CHL1: variants seen among roughly 807,000 people sequenced by gnomAD.
The protein encoded by CHL1 is cell adhesion molecule L1 like, also known as neural cell adhesion molecule L1-like protein.
A neutral mutation model predicts 141.9 loss-of-function variants in CHL1; 96 were observed. The observed-to-expected ratio is 0.68, with a 90% CI of 0.57 to 0.80. CHL1 has a LOEUF of 0.80. Ranked by LOEUF, CHL1 falls within the 30% of genes least tolerant of loss-of-function variation. The pLI is 0.00. For missense variants in CHL1, 1,820 were observed against 1,457.2 expected (o/e 1.25, Z -4.05); for synonymous variants, 613 against 502.2 (o/e 1.22, Z -2.95).
chr3:370,228 G>A (rs887295155), intron 15 of CHL1, among the ~76,000 whole-genome samples: 1 of 152,106 alleles, frequency 6.6e-6, no homozygotes, highest in Non-Finnish European at 1.5e-5. Context: ...ATCTGGTCCT[G>A]GGCTTTATTG....
chr3:301,732 T>G (rs1698756250), intron 2 of CHL1, among the ~76,000 whole-genome samples: 1 of 152,184 alleles, frequency 6.6e-6, no homozygotes, highest in African/African-American at 2.4e-5. Flanking sequence ...TTGTAGTCTT[T>G]TTCCGGAAAG....
At chr3:277,369 C>A (rs1050931476) in intron 2 of CHL1, among the ~76,000 whole-genome samples, 1 of 152,152 alleles carries the variant, frequency 6.6e-6, no homozygotes, top group Non-Finnish European at 1.5e-5. Context: ...GAATGAGTAA[C>A]TAGTGCACAG....
intron 2 of CHL1, among the ~76,000 whole-genome samples, chr3:281,295 A>C (rs1272366987): frequency 6.6e-6 from 1 of 152,120 alleles, no homozygotes; most frequent in Non-Finnish European, 1.5e-5. Context: ...AAATTTGCCC[A>C]CAAACTTGAG....
chr3:237,945 A>G (rs574117183), intron 1 of CHL1, among the ~76,000 whole-genome samples: 4 of 152,202 alleles, frequency 2.6e-5, no homozygotes. Flanking sequence ...ACATCTTCAC[A>G]TTGCCTATAT....
rs1019939757 is a variant in CHL1, at chr3:340,881, G to T, written c.473G>T (p.Gly158Val). 1 of 1,612,774 alleles carries T rather than the reference G, an allele frequency of 6.2e-7. No homozygotes were observed. The highest frequency in any genetic ancestry group is 8.5e-7 in the Non-Finnish European group (1 of 1,179,104). ...PIVLPCNPPK[G>V]LPPLHIYWMN... Reference sequence around the variant, plus strand: ...GTCCTCCCATGCAATCCTCCCAAAGGCCTCCCACCTTTACACATTTATTGG... The same window carrying T: ...GTCCTCCCATGCAATCCTCCCAAAGTCCTCCCACCTTTACACATTTATTGG... Residue 158 changes from glycine to valine, a missense_variant, in exon 6 of 28, where the codon GGC becomes GTC. Transcript: ENST00000256509.
chr3:229,245 GT>G (rs1190046440), intron 1 of CHL1, among the ~76,000 whole-genome samples: 1 of 151,988 alleles, frequency 6.6e-6, no homozygotes, highest in African/African-American at 2.4e-5. Context: ...CCTTCATAAT[GT>G]TTTTTTCCTA....
chr3:342,230 C>G lies in CHL1; in HGVS notation c.679+148C>G. On this transcript the variant is annotated intron_variant, in intron 7 of 27. Coordinates refer to ENST00000256509, the MANE Select transcript of CHL1 (RefSeq NM_006614.4). ...GGAGACTTCTTCCAGATGAAATAGACATCTGCAGCTGCAGATTCACGGTAG... is the reference window on the plus strand; with the variant it reads ...GGAGACTTCTTCCAGATGAAATAGAGATCTGCAGCTGCAGATTCACGGTAG... The G allele has an allele frequency of 5.1e-6, 3 of 590,868 alleles. No individual in the cohort carries two copies. The South Asian group carries it at 8.8e-5, about 17-fold the overall frequency. The allele number at this position is 590,868 out of a possible 1,614,324, so 36.6% of individuals were successfully genotyped here.
intron 10 of CHL1, among the ~76,000 whole-genome samples, chr3:351,779 C>T (rs1263017226): frequency 6.6e-6 from 1 of 152,038 alleles, no homozygotes; most frequent in Admixed American, 6.6e-5. Flanking sequence ...ATTTAGGTTG[C>T]AACATCCTAA....
intron 22 of CHL1, 135 bp from the exon 23 acceptor site, chr3:391,540 A>C: frequency 1.6e-6 from 1 of 644,440 alleles, no homozygotes; most frequent in Non-Finnish European, 2.7e-6. Flanking sequence ...AATAAACATT[A>C]TTCCTTATTA....
chr3:343,853 A>C (rs1279600970), intron 8 of CHL1, among the ~76,000 whole-genome samples: 1 of 152,212 alleles, frequency 6.6e-6, no homozygotes, highest in Non-Finnish European at 1.5e-5. Flanking sequence ...CTCAATGAAA[A>C]ATCATTGCAC....
At chr3:368,614 A>T (rs1705207214) in intron 15 of CHL1, among the ~76,000 whole-genome samples, 1 of 152,142 alleles carries the variant, frequency 6.6e-6, no homozygotes, top group Non-Finnish European at 1.5e-5. Flanking sequence ...CCATTTGTAA[A>T]TTCTGGCTTT....
rs910400939 is a variant in CHL1, at chr3:407,888, C to A, written c.*2177C>A. 9 of 152,132 alleles carry A rather than the reference C, an allele frequency of 5.9e-5. No homozygotes were observed. The highest frequency in any genetic ancestry group is 1.3e-4 in the Non-Finnish European group (9 of 68,006). 9.4% of individuals were successfully genotyped at this position (152,132 alleles called of 1,614,324 possible). A position where few individuals can be genotyped will look rare whatever the true frequency, so the allele number is the denominator to read the frequency against. ...AAATCAAGATTGCTCCTGCTCAGAT[C>A]TTCTGAGTGGCTAAAACTTATGGAT... On this transcript the variant is annotated 3_prime_UTR_variant, in exon 28 of 28. Transcript: ENST00000256509.
chr3:322,670 A>T lies in CHL1; in HGVS notation c.91+2803A>T, dbSNP rs1487760631. On this transcript the variant is annotated intron_variant, in intron 3 of 27. Transcript: ENST00000256509. ...AATATATATATATATATATATATAT[A>T]ATTATATATATATATATAAAACGAA... Among the ~76,000 whole-genome samples, 695 of 133,664 alleles carry T rather than the reference A, an allele frequency of 5.2e-3. 8 individuals carry two copies. The highest frequency in any genetic ancestry group is 0.019 in the African/African-American group (654 of 34,216). The allele number at this position is 133,664 out of a possible 152,430, so 87.7% of individuals were successfully genotyped here. A position where few individuals can be genotyped will look rare whatever the true frequency, so the allele number is the denominator to read the frequency against.
At chr3:338,523 G>A (rs543476880) in intron 5 of CHL1, among the ~76,000 whole-genome samples, 1 of 152,218 alleles carries the variant, frequency 6.6e-6, no homozygotes, top group African/African-American at 2.4e-5. Flanking sequence ...ATCTGTGAGT[G>A]TTAAAATTTT....
At chr3:303,634 T>C (rs1698960013) in intron 2 of CHL1, among the ~76,000 whole-genome samples, 1 of 152,234 alleles carries the variant, frequency 6.6e-6, no homozygotes. Flanking sequence ...GATTTTGGGC[T>C]GAGAAGATGG....
intron 1 of CHL1, among the ~76,000 whole-genome samples, chr3:232,761 A>C (rs914156682): frequency 4.6e-5 from 7 of 152,144 alleles, no homozygotes; most frequent in African/African-American, 1.2e-4. Context: ...CAGTTAAAAA[A>C]AAAATGAAGA....
At chr3:339,949 T>C (rs1184612575) in intron 5 of CHL1, among the ~76,000 whole-genome samples, 1 of 152,166 alleles carries the variant, frequency 6.6e-6, no homozygotes, top group African/African-American at 2.4e-5. Context: ...GACTGTGTAA[T>C]TCTATAATGC....
intron 15 of CHL1, chr3:373,777 C>T (rs923093378): frequency 1.3e-5 from 2 of 152,356 alleles, no homozygotes; most frequent in African/African-American, 4.8e-5. Flanking sequence ...CCATGGGTTT[C>T]ACAGTTCTGT....
rs1707351590 is a variant in CHL1 at position 383,847 on chromosome 3, T to C, written c.2208T>C (p.Val736=). Residue 736 remains valine (V), a synonymous_variant, in exon 19 of 28, where the codon GTT becomes GTC. Transcript: ENST00000256509. Reference sequence around the variant, plus strand: ...ATAGGAATCCACAAAACATAAGGGTTCAAGCCTCTCAACCCAAGGAAATGA... The same window carrying C: ...ATAGGAATCCACAAAACATAAGGGTCCAAGCCTCTCAACCCAAGGAAATGA... ...APDRNPQNIR[V]QASQPKEMII... 1.2e-6 allele frequency: 2 copies of C among 1,610,318 alleles called. No individual in the cohort carries two copies. The highest frequency in any genetic ancestry group is 2.2e-5 in the South Asian group (2 of 90,842).
Sources: allele counts gnomAD v4.1 joint callset (sites outside exome capture counted in the v4.1 genomes callset), GRCh38; gene constraint gnomAD v4.1.1; transcripts MANE v1.5; gene names NCBI Gene and HGNC (gene_info 2026-07-23, HGNC 2026-07-21).